DDO: variants seen among roughly 807,000 people sequenced by gnomAD.
DDO encodes D-aspartate oxidase, DDO.
Under a neutral mutation model 16.8 loss-of-function variants are expected in DDO, and 16 were observed. That is an observed-to-expected ratio of 0.95 (90% CI 0.65 to 1.45). DDO has a LOEUF of 1.45. DDO is among the 40% of genes most tolerant of loss of function. The pLI is 0.00. For missense variants in DDO, 429 were observed against 420.3 expected (o/e 1.02, Z -0.18); for synonymous variants, 180 against 167.2 (o/e 1.08, Z -0.59).
chr6:110,409,614 C>T (rs1582491040), intron 2 of DDO, among the ~76,000 whole-genome samples: 1 of 152,164 alleles, frequency 6.6e-6, no homozygotes, highest in Non-Finnish European at 1.5e-5. Context: ...TCTTTAGTAG[C>T]GAATCTGTAC....
chr6:110,402,095 T>C (rs780033372), intron 4 of DDO, among the ~76,000 whole-genome samples: 3 of 152,218 alleles, frequency 2.0e-5, no homozygotes, highest in South Asian at 4.1e-4. Context: ...TGGTCTGTAC[T>C]ATTCAAGCTT....
downstream of DDO, among the ~76,000 whole-genome samples, chr6:110,391,155 C>CA (rs1773091470): frequency 6.6e-6 from 1 of 152,196 alleles, no homozygotes; most frequent in African/African-American, 2.4e-5. Flanking sequence ...GCAGAATGTT[C>CA]TCTGCAAACA....
chr6:110,407,216 G>A (rs548036473), intron 3 of DDO, among the ~76,000 whole-genome samples: 1 of 152,162 alleles, frequency 6.6e-6, no homozygotes, highest in Admixed American at 6.5e-5. Context: ...GCCAAAATTT[G>A]TGAATTAGAC....
chr6:110,393,017 C>T lies in DDO; in HGVS notation c.784G>A (p.Glu262Lys). The T allele has an allele frequency of 6.2e-7, 1 of 1,611,210 alleles. No homozygotes were observed. ...REILSRCCALEPSLHGACNIR... is the reference protein window; with the variant it reads ...REILSRCCALKPSLHGACNIR... ...TTGCAGGCTCCGTGGAGGGAGGGCT[C>T]CAGAGCACAGCATCGGGAAAGAATC... Residue 262 changes from glutamate to lysine, a missense_variant, in exon 5 of 5, where the codon GAG becomes AAG. Transcript: ENST00000368924.
At chr6:110,411,232 G>T (rs987418720) in intron 2 of DDO, among the ~76,000 whole-genome samples, 22 of 152,258 alleles carry the variant, frequency 1.4e-4, no homozygotes, top group Non-Finnish European at 2.2e-4. Flanking sequence ...TCTTACTCCA[G>T]TGAGCTCACT....
chr6:110,409,922 A>T (rs1311611601), intron 2 of DDO, among the ~76,000 whole-genome samples: 2 of 152,218 alleles, frequency 1.3e-5, no homozygotes, highest in Non-Finnish European at 2.9e-5. Context: ...AAGCCTGATG[A>T]CCTAATTCAT....
In DDO at chr6:110,393,356, G is replaced by T; in HGVS notation, c.459-14C>A. ...CTTCCCTTTATCCTACGGAAGAGAG[G>T]CCATGAAGTGAATATTTGTTAGCGA... On this transcript the variant is annotated splice_polypyrimidine_tract_variant and intron_variant, in intron 4 of 4. Transcript: ENST00000368924. The T allele has an allele frequency of 6.4e-7, 1 of 1,559,942 alleles. No homozygotes were observed.
At chr6:110,389,910 G>A (rs529647836), downstream of DDO, among the ~76,000 whole-genome samples, 10 of 152,326 alleles carry the variant, frequency 6.6e-5, 1 homozygote, top group East Asian at 1.7e-3. Context: ...TTGGTTTCCT[G>A]GGCAGGTTGC....
rs1437615038 is a variant in DDO at position 110,400,317 on chromosome 6, A to G, written c.458+4457T>C. Among the ~76,000 whole-genome samples the G allele has an allele frequency of 4.4e-5, 5 of 114,086 alleles. 1 individual carries two copies. The highest frequency in any genetic ancestry group is 8.9e-5 in the Non-Finnish European group (5 of 56,214). 74.8% of individuals were successfully genotyped at this position (114,086 alleles called of 152,430 possible). ...AAACACTCTCTCTCGGAGTAGTGGG[A>G]GCTGGGAGGGTGCGCAGGAGCGGGC... On this transcript the variant is annotated intron_variant, in intron 4 of 4. Transcript: ENST00000368924.
intron 4 of DDO, 57 bp downstream of exon 4, chr6:110,404,717 A>G: frequency 6.3e-7 from 1 of 1,575,578 alleles, no homozygotes; most frequent in Non-Finnish European, 8.7e-7. Context: ...ATGAATAGCT[A>G]CGAAGTGATT....
intron 2 of DDO, among the ~76,000 whole-genome samples, chr6:110,408,774 A>G (rs1211390699): frequency 6.6e-6 from 1 of 152,226 alleles, no homozygotes; most frequent in African/African-American, 2.4e-5. Context: ...TGGCAGGTCT[A>G]TAACCAACCT....
At chr6:110,398,405 C>T (rs1004914495) in intron 4 of DDO, among the ~76,000 whole-genome samples, 1 of 148,500 alleles carries the variant, frequency 6.7e-6, no homozygotes, top group African/African-American at 2.6e-5. Flanking sequence ...CACACACACA[C>T]ACACACACAC....
rs140945840 is a variant in DDO, at chr6:110,393,379, C to T, written c.459-37G>A. On this transcript the variant is annotated intron_variant, in intron 4 of 4. Coordinates refer to ENST00000368924, the MANE Select transcript of DDO (RefSeq NM_001372108.2). Reference sequence around the variant, plus strand: ...AGGCCATGAAGTGAATATTTGTTAGCGACCTGATCAACTACTTCCAGGAAA... The same window carrying T: ...AGGCCATGAAGTGAATATTTGTTAGTGACCTGATCAACTACTTCCAGGAAA... 1.3e-4 allele frequency: 191 copies of T among 1,521,664 alleles called. 1 individual carries two copies. The South Asian group carries it at 1.9e-3, about 15-fold the overall frequency. The allele number at this position is 1,521,664 out of a possible 1,614,324, so 94.3% of individuals were successfully genotyped here. A position where few individuals can be genotyped will look rare whatever the true frequency, so the allele number is the denominator to read the frequency against.
At position 110,392,101 on chromosome 6, in the gene DDO, C is replaced by T. The variant is rs1443047227; in HGVS notation, c.*674G>A. ...CTCTGTCTCCTACCATCATTACCAG[C>T]TGAGGGGAGGAAAAGCTTGCTGCTA... On this transcript the variant is annotated 3_prime_UTR_variant, in exon 5 of 5. Coordinates refer to ENST00000368924, the MANE Select transcript of DDO (RefSeq NM_001372108.2). The T allele has an allele frequency of 2.5e-6, 2 of 793,208 alleles. No homozygotes were observed. The highest frequency in any genetic ancestry group is 3.1e-6 in the Non-Finnish European group (2 of 654,574). The allele number at this position is 793,208 out of a possible 1,614,324, so 49.1% of individuals were successfully genotyped here.
Position 110,392,421 on chromosome 6 carries a change from CA to C in DDO, c.*353del. 9.9e-7 allele frequency: 1 copy of C among 1,008,918 alleles called. No homozygotes were observed. Among genetic ancestry groups the C allele is most frequent in the East Asian group, 9.7e-5 (1 of 10,288 alleles). The allele number at this position is 1,008,918 out of a possible 1,614,324, so 62.5% of individuals were successfully genotyped here. On this transcript the variant is annotated 3_prime_UTR_variant, in exon 5 of 5. Transcript: ENST00000368924. ...TTTACTCTATAAGAAGTATTTTTAA[CA>C]AAAAATAGAGCTTTATGCCCTATGC...
At chr6:110,389,587 C>T (rs895463137), downstream of DDO, among the ~76,000 whole-genome samples, 17 of 152,214 alleles carry the variant, frequency 1.1e-4, no homozygotes, top group Non-Finnish European at 2.2e-4. Flanking sequence ...GAAGACTTCA[C>T]ATATGTCCTG....
intron 4 of DDO, among the ~76,000 whole-genome samples, chr6:110,394,152 T>C (rs986495455): frequency 2.0e-5 from 3 of 152,118 alleles, no homozygotes; most frequent in Non-Finnish European, 2.9e-5. Flanking sequence ...TCACCCAGGC[T>C]GGAGTGCAGT....
chr6:110,395,058 T>C (rs1773249015), intron 4 of DDO, among the ~76,000 whole-genome samples: 2 of 152,214 alleles, frequency 1.3e-5, no homozygotes, highest in African/African-American at 4.8e-5. Flanking sequence ...CTATGGTTAA[T>C]TTATGTGTCA....
chr6:110,393,040 ATCTC>A lies in DDO; in HGVS notation c.757_760del (p.Glu253PhefsTer24), dbSNP rs1562257010. ...CTCCAGAGCACAGCATCGGGAAAGA[ATCTC>A]TCTGCTATTTTCTGCATCCGGGGAC... On this transcript the variant is annotated frameshift_variant, in exon 5 of 5. Transcript: ENST00000368924. LOFTEE classifies it low-confidence loss of function (END_TRUNC). 1.9e-6 allele frequency: 3 copies of A among 1,611,934 alleles called. No individual in the cohort carries two copies. Among genetic ancestry groups the A allele is most frequent in the Admixed American group, 1.7e-5 (1 of 59,998 alleles).
Sources: allele counts gnomAD v4.1 joint callset (sites outside exome capture counted in the v4.1 genomes callset), GRCh38; gene constraint gnomAD v4.1.1; transcripts MANE v1.5; gene names NCBI Gene and HGNC (gene_info 2026-07-23, HGNC 2026-07-21).